The following EHF variants were observed in gnomAD, a reference collection of about 807,000 sequenced individuals.
EHF encodes the protein ETS homologous factor, also known as ESE3 transcription factor.
EHF carries 14 observed loss-of-function variants against 45.1 expected under a neutral mutation model. The observed-to-expected ratio is 0.31, with a 90% CI of 0.21 to 0.49. The LOEUF is 0.49. Ranked by LOEUF, EHF falls within the 20% of genes least tolerant of loss-of-function variation. The pLI, the probability that EHF is intolerant of heterozygous loss-of-function variation, is 0.99. For synonymous variants in EHF, 136 were observed against 131.8 expected, an observed-to-expected ratio of 1.03 and a Z score of -0.22; for missense variants, 282 against 371.4, an observed-to-expected ratio of 0.76 and a Z score of 1.98.
At chr11:34,657,299 A>G (rs772873857) in intron 7 of EHF, among the ~76,000 whole-genome samples, 3 of 152,172 alleles carry the variant, frequency 2.0e-5, no homozygotes, top group Non-Finnish European at 2.9e-5. Context: ...AAGAGGAGCG[A>G]GATAAGAAGA....
At chr11:34,651,929 G>A in intron 6 of EHF, 124 bp downstream of exon 6, 1 of 949,112 alleles carries the variant, frequency 1.1e-6, no homozygotes, top group Non-Finnish European at 1.6e-6. Flanking sequence ...GGAAAGGGAT[G>A]GGGTTACCAT....
chr11:34,629,036 A>C (rs1306767774), intron 1 of EHF, among the ~76,000 whole-genome samples: 6 of 152,040 alleles, frequency 3.9e-5, no homozygotes, highest in Non-Finnish European at 1.5e-5. Context: ...ATGTATGACA[A>C]CTCCTGAGAC....
At chr11:34,651,062 G>A (rs1310154198) in intron 4 of EHF, among the ~76,000 whole-genome samples, 1 of 152,028 alleles carries the variant, frequency 6.6e-6, no homozygotes, top group African/African-American at 2.4e-5. Flanking sequence ...AAGAAACTGT[G>A]ATAAGATTGA....
rs143309002 is a variant in EHF at position 34,625,514 on chromosome 11, C to T, written c.-4+4286C>T. On this transcript the variant is annotated intron_variant, in intron 1 of 8. Transcript: ENST00000257831. The stretch of plus-strand genomic sequence containing the variant: ...AGTAGATCGAACGTATGTGGACTCA[C>T]TTCTCCTAGAGGAAGACCCTGTGGC... 3.1e-3 allele frequency among the ~76,000 whole-genome samples: 475 copies of T among 152,310 alleles called. 2 individuals are homozygous for T. Among genetic ancestry groups the T allele is most frequent in the African/African-American group, 0.011 (450 of 41,558 alleles).
chr11:34,640,924 T>A (rs1207061338), intron 1 of EHF, among the ~76,000 whole-genome samples: 1 of 152,142 alleles, frequency 6.6e-6, no homozygotes, highest in East Asian at 1.9e-4. Context: ...ACTCATTTAA[T>A]CTCCAATCAA....
intron 1 of EHF, among the ~76,000 whole-genome samples, chr11:34,624,478 AT>A (rs1366538172): frequency 2.0e-5 from 3 of 152,220 alleles, no homozygotes; most frequent in Non-Finnish European, 4.4e-5. Flanking sequence ...TAAGAATATG[AT>A]TTTAAAATAA....
In EHF at chr11:34,624,181, T is replaced by C. The variant is rs1311921888; in HGVS notation, c.-4+2953T>C. On this transcript the variant is annotated intron_variant, in intron 1 of 8. Coordinates refer to ENST00000257831, the MANE Select transcript of EHF (RefSeq NM_012153.6). ...AGATCGCTCTCTGGTAGAGTTGACG[T>C]GACACTCATTTCTGTTGTGGGTGGG... The C allele has an allele frequency of 4.8e-6, 3 of 629,884 alleles. No individual in the cohort carries two copies. The African/African-American group carries it at 6.0e-5, about 13-fold the overall frequency. The allele number at this position is 629,884 out of a possible 1,614,324, so 39.0% of individuals were successfully genotyped here. A position where few individuals can be genotyped will look rare whatever the true frequency, so the allele number is the denominator to read the frequency against.
chr11:34,625,514 C>A (rs143309002), intron 1 of EHF, among the ~76,000 whole-genome samples: 9 of 152,192 alleles, frequency 5.9e-5, no homozygotes, highest in Non-Finnish European at 1.3e-4. Context: ...TGTGGACTCA[C>A]TTCTCCTAGA....
At chr11:34,643,278 G>T (rs979289435) in intron 2 of EHF, among the ~76,000 whole-genome samples, 1 of 152,142 alleles carries the variant, frequency 6.6e-6, no homozygotes, top group Non-Finnish European at 1.5e-5. Flanking sequence ...GTGGTGGGGC[G>T]TATAGAGGGT....
intron 1 of EHF, chr11:34,632,687 G>C: frequency 6.5e-7 from 1 of 1,533,108 alleles, no homozygotes; most frequent in Middle Eastern, 1.8e-4. Flanking sequence ...AGGGTTGCCC[G>C]GCTCTCTCTG....
chr11:34,650,155 C>A (rs1318911331), intron 4 of EHF, among the ~76,000 whole-genome samples: 1 of 152,174 alleles, frequency 6.6e-6, no homozygotes, highest in Non-Finnish European at 1.5e-5. Flanking sequence ...GATAGCCCCA[C>A]CGAAGGAGCC....
intron 4 of EHF, 28 bp downstream of exon 4, chr11:34,649,109 A>G: frequency 6.2e-7 from 1 of 1,612,328 alleles, no homozygotes; most frequent in Non-Finnish European, 8.5e-7. Context: ...AAGGGAGCCA[A>G]CCTAGCCTGG....
At chr11:34,627,239 T>C (rs1184589793) in intron 1 of EHF, among the ~76,000 whole-genome samples, 1 of 151,896 alleles carries the variant, frequency 6.6e-6, no homozygotes, top group Non-Finnish European at 1.5e-5. Context: ...ATGAACCATA[T>C]TAAGGGGGGA....
chr11:34,660,340 C>T lies in EHF; in HGVS notation c.*1409C>T, dbSNP rs1856006529. ...AAAATCCTCTTTGCAGGTATTAATT[C>T]TTATAATTTTTTGTCTTTTGGATTA... On this transcript the variant is annotated 3_prime_UTR_variant, in exon 9 of 9. Transcript: ENST00000257831. 1 of 152,006 alleles carries T rather than the reference C, an allele frequency of 6.6e-6. No homozygotes were observed. The highest frequency in any genetic ancestry group is 2.4e-5 in the African/African-American group (1 of 41,390). The allele number at this position is 152,006 out of a possible 1,614,324, so 9.4% of individuals were successfully genotyped here.
At chr11:34,641,285 C>T (rs2134093730) in intron 1 of EHF, among the ~76,000 whole-genome samples, 1 of 152,326 alleles carries the variant, frequency 6.6e-6, no homozygotes, top group East Asian at 1.9e-4. Context: ...CTAGTTCAAC[C>T]TTTAATTACT....
intron 2 of EHF, among the ~76,000 whole-genome samples, chr11:34,646,027 G>GGTGTGT (rs71041935): frequency 6.0e-4 from 87 of 144,322 alleles, no homozygotes; most frequent in Middle Eastern, 7.0e-3. Flanking sequence ...TGAGTTTGGT[G>GGTGTGT]GTGTGTGTGT....
intron 2 of EHF, among the ~76,000 whole-genome samples, chr11:34,643,508 CAA>C (rs895625942): frequency 1.1e-4 from 16 of 152,318 alleles, no homozygotes; most frequent in African/African-American, 3.8e-4. Context: ...CTCTGCTGTT[CAA>C]GTTTGCTTTG....
intron 1 of EHF, among the ~76,000 whole-genome samples, chr11:34,639,179 C>T (rs1249651117): frequency 6.6e-6 from 1 of 152,136 alleles, no homozygotes. Context: ...GACCTAGAGT[C>T]TAACCCAGGA....
intron 7 of EHF, 33 bp downstream of exon 7, chr11:34,657,003 C>T (rs1489991853): frequency 6.2e-7 from 1 of 1,611,678 alleles, no homozygotes; most frequent in Non-Finnish European, 8.5e-7. Context: ...GGCCTTTGGT[C>T]CTTCCCATCA....
Sources: allele counts gnomAD v4.1 joint callset (sites outside exome capture counted in the v4.1 genomes callset), GRCh38; gene constraint gnomAD v4.1.1; transcripts MANE v1.5; gene names NCBI Gene and HGNC (gene_info 2026-07-23, HGNC 2026-07-21).